ARL15: variants seen among roughly 807,000 people sequenced by gnomAD.
ARL15 encodes ADP-ribosylation factor-like protein 15.
ARL15 carries 19 observed loss-of-function variants against 25.2 expected under a neutral mutation model. The observed-to-expected ratio is 0.75, with a 90% confidence interval of 0.53 to 1.10. The LOEUF (loss-of-function observed/expected upper bound fraction) is 1.10. ARL15 is among the 50% of genes least tolerant of loss of function. The pLI, the probability that ARL15 is intolerant of heterozygous loss-of-function variation, is 0.00. For synonymous variants in ARL15, 94 were observed against 86.8 expected (o/e 1.08, Z -0.46); for missense variants, 220 against 246.0 (o/e 0.89, Z 0.71).
intron 3 of ARL15, among the ~76,000 whole-genome samples, chr5:54,153,587 A>T (rs937179593): frequency 6.6e-6 from 1 of 152,190 alleles, no homozygotes; most frequent in African/African-American, 2.4e-5. Context: ...GAATTTATTG[A>T]TCATGGTTGT....
intron 3 of ARL15, among the ~76,000 whole-genome samples, chr5:54,128,441 G>A (rs1024541156): frequency 3.9e-5 from 6 of 152,124 alleles, no homozygotes; most frequent in Non-Finnish European, 8.8e-5. Flanking sequence ...CAATTCATGT[G>A]TGCTGAATTT....
intron 3 of ARL15, among the ~76,000 whole-genome samples, chr5:54,146,009 T>C (rs926717022): frequency 1.3e-5 from 2 of 152,170 alleles, no homozygotes; most frequent in African/African-American, 4.8e-5. Context: ...TTCTCCTTCC[T>C]ATATGATCCT....
chr5:54,278,172 G>T (rs13176320), intron 1 of ARL15, among the ~76,000 whole-genome samples: 100,690 of 151,674 alleles, frequency 0.66, 34,405 homozygotes, highest in Non-Finnish European at 0.75. Context: ...AGTTCCCAAC[G>T]CAGGGAAGTC....
intron 1 of ARL15, among the ~76,000 whole-genome samples, chr5:54,222,726 C>A (rs750579171): frequency 6.6e-6 from 1 of 152,148 alleles, no homozygotes; most frequent in Non-Finnish European, 1.5e-5. Flanking sequence ...GTTCACCCAC[C>A]CAGTTACTGT....
intron 4 of ARL15, among the ~76,000 whole-genome samples, chr5:54,009,230 C>T (rs115633436): frequency 2.0e-5 from 3 of 152,096 alleles, no homozygotes; most frequent in Non-Finnish European, 2.9e-5. Flanking sequence ...AAGTTGCTTT[C>T]GACTTTTTAA....
intron 4 of ARL15, among the ~76,000 whole-genome samples, chr5:54,058,606 A>G (rs897668234): frequency 2.0e-5 from 3 of 152,220 alleles, no homozygotes; most frequent in Non-Finnish European, 4.4e-5. Flanking sequence ...AAATCTGGGC[A>G]GAGGGAAAAG....
At chr5:54,235,341 T>G (rs1037080634) in intron 1 of ARL15, among the ~76,000 whole-genome samples, 1 of 152,180 alleles carries the variant, frequency 6.6e-6, no homozygotes, top group Non-Finnish European at 1.5e-5. Context: ...GATAAAATAA[T>G]GTAATGACAT....
intron 3 of ARL15, among the ~76,000 whole-genome samples, chr5:54,117,392 C>CACAT (rs1424480136): frequency 2.0e-4 from 31 of 151,634 alleles, no homozygotes; most frequent in African/African-American, 7.2e-4. Context: ...CACACACACA[C>CACAT]ACACACACAC....
At chr5:54,292,067 T>C (rs1022241385) in intron 1 of ARL15, among the ~76,000 whole-genome samples, 1 of 152,248 alleles carries the variant, frequency 6.6e-6, no homozygotes, top group Non-Finnish European at 1.5e-5. Context: ...CAGGGATCCC[T>C]GTGCCCAACT....
chr5:54,215,441 C>G (rs1401621405), intron 1 of ARL15, among the ~76,000 whole-genome samples: 3 of 152,138 alleles, frequency 2.0e-5, no homozygotes, highest in African/African-American at 7.2e-5. Context: ...CCCTGTAACA[C>G]CATCTGGATA....
At chr5:53,905,342 G>C (rs916134101) in intron 4 of ARL15, among the ~76,000 whole-genome samples, 1 of 152,068 alleles carries the variant, frequency 6.6e-6, no homozygotes, top group South Asian at 2.1e-4. Flanking sequence ...CACCCCTACA[G>C]TTTCCTGTAG....
intron 4 of ARL15, among the ~76,000 whole-genome samples, chr5:54,090,381 T>C (rs1210512146): frequency 2.0e-5 from 3 of 151,448 alleles, no homozygotes; most frequent in Non-Finnish European, 2.9e-5. Flanking sequence ...GGCTATTACA[T>C]ATATTATTTG....
At chr5:53,972,585 A>C (rs551131264) in intron 4 of ARL15, among the ~76,000 whole-genome samples, 2 of 152,140 alleles carry the variant, frequency 1.3e-5, no homozygotes, top group African/African-American at 4.8e-5. Flanking sequence ...TACGTCAAAA[A>C]CAGTTGAATT....
intron 4 of ARL15, chr5:53,887,291 T>C (rs1234057375): frequency 1.2e-5 from 8 of 676,028 alleles, no homozygotes; most frequent in Non-Finnish European, 2.1e-5. Flanking sequence ...AAACTGCATG[T>C]ATGTATGTTT....
intron 1 of ARL15, among the ~76,000 whole-genome samples, chr5:54,278,846 T>C (rs1757983384): frequency 2.6e-5 from 4 of 152,332 alleles, no homozygotes; most frequent in Middle Eastern, 3.4e-3. Context: ...TGGATACCCT[T>C]TGTTGTCTCT....
chr5:54,096,939 A>G (rs1363043715), intron 4 of ARL15, among the ~76,000 whole-genome samples: 3 of 152,060 alleles, frequency 2.0e-5, no homozygotes, highest in African/African-American at 4.8e-5. Flanking sequence ...TATTCTTAAC[A>G]CAGCCAGAGT....
At chr5:54,188,147 C>CA (rs1481008261) in intron 1 of ARL15, among the ~76,000 whole-genome samples, 1 of 151,870 alleles carries the variant, frequency 6.6e-6, no homozygotes, top group East Asian at 1.9e-4. Flanking sequence ...GAACATGCAA[C>CA]AAAAAATGGA....
chr5:53,907,443 T>G (rs1206742070), intron 4 of ARL15, among the ~76,000 whole-genome samples: 1 of 127,562 alleles, frequency 7.8e-6, no homozygotes, highest in Non-Finnish European at 1.6e-5. Context: ...GGTTGAAAGG[T>G]TGGCTTAAGA....
chr5:54,011,087 C>T (rs1221293245), intron 4 of ARL15, among the ~76,000 whole-genome samples: 1 of 151,872 alleles, frequency 6.6e-6, no homozygotes, highest in Non-Finnish European at 1.5e-5. Flanking sequence ...AAGACAGATG[C>T]CTAGCCTGTG....
Sources: allele counts gnomAD v4.1 joint callset (sites outside exome capture counted in the v4.1 genomes callset), GRCh38; gene constraint gnomAD v4.1.1; transcripts MANE v1.5; gene names NCBI Gene and HGNC (gene_info 2026-07-23, HGNC 2026-07-21).